Variants in DOCK4 observed in about 807,000 individuals in gnomAD.
The protein encoded by DOCK4 is dedicator of cytokinesis protein 4.
A neutral mutation model predicts 268.1 loss-of-function variants in DOCK4; 97 were observed. The observed-to-expected ratio is 0.36, with a 90% CI of 0.31 to 0.43. The LOEUF (loss-of-function observed/expected upper bound fraction) is 0.43. Among genes scored for constraint, DOCK4 ranks in the 20% least tolerant of loss-of-function variants. The pLI, the probability that DOCK4 is intolerant of heterozygous loss-of-function variation, is 1.00. For synonymous variants in DOCK4, 954 were observed against 887.2 expected (o/e 1.08, Z -1.34); for missense variants, 2,145 against 2,455.7 (o/e 0.87, Z 2.67).
chr7:111,729,408 G>A (rs1196441695), intron 52 of DOCK4, among the ~76,000 whole-genome samples: 1 of 151,764 alleles, frequency 6.6e-6, no homozygotes, highest in African/African-American at 2.4e-5. Context: ...AAATCCAAAG[G>A]GTTAGCTGGG....
At chr7:111,899,468 A>G (rs1281472578) in intron 15 of DOCK4, among the ~76,000 whole-genome samples, 5 of 152,176 alleles carry the variant, frequency 3.3e-5, no homozygotes, top group Non-Finnish European at 7.3e-5. Context: ...ATATCAGAAG[A>G]TTCCTGGACT....
chr7:112,186,670 G>A (rs1819516352), intron 1 of DOCK4, among the ~76,000 whole-genome samples: 4 of 152,134 alleles, frequency 2.6e-5, no homozygotes, highest in Admixed American at 2.6e-4. Context: ...CATTAGTACT[G>A]AGGCAGAAAT....
rs773813224 is a variant in DOCK4 at position 111,868,122 on chromosome 7, T to C, written c.2142A>G (p.Gln714=). The C allele has an allele frequency of 5.0e-6, 8 of 1,604,322 alleles. No homozygotes were observed. The highest frequency in any genetic ancestry group is 2.2e-5 in the East Asian group (1 of 44,826). Residue 714 remains glutamine, a synonymous_variant, in exon 22 of 53, where the codon CAA becomes CAG. Transcript: ENST00000428084. The stretch of plus-strand genomic sequence containing the variant: ...TGGCAAGGGAAAACAGCCTTCGAGA[T>C]TGAACTATATACTTAAAAATGTATT... ...AQEYIFKYIV[Q]SRRLFSLATG...
intron 39 of DOCK4, 139 bp from the exon 40 acceptor site, chr7:111,760,461 T>C: frequency 1.1e-6 from 1 of 888,926 alleles, no homozygotes; most frequent in Non-Finnish European, 1.7e-6. Context: ...TGGAACAATC[T>C]GAAAAGTTTG....
chr7:112,003,914 G>A (rs1007483478), intron 2 of DOCK4, 134 bp downstream of exon 2: 3 of 554,126 alleles, frequency 5.4e-6, no homozygotes, highest in Non-Finnish European at 9.2e-6. Context: ...CACTGAAAAT[G>A]CAGGAAACAA....
chr7:112,191,655 T>C (rs1335401276), intron 1 of DOCK4, among the ~76,000 whole-genome samples: 2 of 152,162 alleles, frequency 1.3e-5, no homozygotes, highest in African/African-American at 4.8e-5. Flanking sequence ...ATTCTGGCCC[T>C]AAGTCGTATG....
chr7:111,985,663 A>G (rs1465335364), intron 6 of DOCK4, among the ~76,000 whole-genome samples: 3 of 152,202 alleles, frequency 2.0e-5, no homozygotes, highest in Non-Finnish European at 4.4e-5. Context: ...AGATAGTAAA[A>G]CAGTTTCTCA....
chr7:111,855,374 C>A (rs1352568117), intron 23 of DOCK4, among the ~76,000 whole-genome samples: 1 of 151,938 alleles, frequency 6.6e-6, no homozygotes, highest in East Asian at 1.9e-4. Flanking sequence ...TTCTTGGCCA[C>A]AGACAGAGAC....
At chr7:112,063,251 T>C (rs575181645) in intron 1 of DOCK4, among the ~76,000 whole-genome samples, 52 of 152,338 alleles carry the variant, frequency 3.4e-4, no homozygotes, top group African/African-American at 8.9e-4. Context: ...AAAAATGCCA[T>C]GTCGGTACTT....
intron 26 of DOCK4, among the ~76,000 whole-genome samples, chr7:111,826,514 AATGTGGTACATTTACACCATGGAATACT>A (rs2133987946): frequency 6.6e-6 from 1 of 152,326 alleles, no homozygotes; most frequent in Admixed American, 6.5e-5. Context: ...AGGCTTAAAA[AATGTGGTACATTTACACCATGGAATACT>A]ATGCAGCCAC....
chr7:112,016,563 G>A (rs554890569), intron 1 of DOCK4, among the ~76,000 whole-genome samples: 37 of 152,140 alleles, frequency 2.4e-4, no homozygotes, highest in Non-Finnish European at 4.9e-4. Context: ...AACATCCATT[G>A]ATAATTTTTG....
At chr7:112,039,698 A>T (rs1804185829) in intron 1 of DOCK4, among the ~76,000 whole-genome samples, 1 of 152,166 alleles carries the variant, frequency 6.6e-6, no homozygotes, top group Non-Finnish European at 1.5e-5. Context: ...TACTGCCAAC[A>T]TTTAAGAATT....
chr7:112,149,802 T>G (rs180835283), intron 1 of DOCK4, among the ~76,000 whole-genome samples: 1 of 152,306 alleles, frequency 6.6e-6, no homozygotes, highest in East Asian at 1.9e-4. Context: ...GATATGCTTG[T>G]CCTATCAACA....
rs1468302040 is a variant in DOCK4, at chr7:111,844,856, G to A, written c.2643C>T (p.Ser881=). ...TGGTCCTCAGCAGAATATCCAGCAA[G>A]CTGGCCACTATCACATCTATTTCCT... ...VLEEIDVIVA[S]LLDILLRTIL... The change falls in exon 25 of 53, where the codon AGC becomes AGT. Residue 881 remains serine, a synonymous_variant. Coordinates refer to ENST00000428084, the MANE Select transcript of DOCK4 (RefSeq NM_001363540.2). 2 of 1,613,458 alleles carry A rather than the reference G, an allele frequency of 1.2e-6. No homozygotes were observed. The highest frequency in any genetic ancestry group is 1.7e-6 in the Non-Finnish European group (2 of 1,179,622).
At position 111,733,097 on chromosome 7, in the gene DOCK4, A is replaced by T. The variant is rs1199060171; in HGVS notation, c.5420-810T>A. Among the ~76,000 whole-genome samples, 5 of 152,204 alleles carry T rather than the reference A, an allele frequency of 3.3e-5. No individual in the cohort carries two copies. The East Asian group carries it at 9.6e-4, about 29-fold the overall frequency. ...GGGTGAGAGTCAGCCACATTTCTCA[A>T]TTCCACAGAGACGTTTCGGTGAACT... On this transcript the variant is annotated intron_variant, in intron 51 of 52. Coordinates refer to ENST00000428084, the MANE Select transcript of DOCK4 (RefSeq NM_001363540.2).
chr7:111,796,854 T>C (rs913639678), intron 30 of DOCK4, among the ~76,000 whole-genome samples: 14 of 152,256 alleles, frequency 9.2e-5, no homozygotes, highest in Admixed American at 6.5e-4. Flanking sequence ...TAAGCGTGGT[T>C]AGTCCCACCA....
chr7:111,987,657 T>C (rs1799154885), intron 6 of DOCK4, among the ~76,000 whole-genome samples: 1 of 152,150 alleles, frequency 6.6e-6, no homozygotes, highest in Non-Finnish European at 1.5e-5. Context: ...GCTGTGTGTT[T>C]TAAATGTCAT....
intron 1 of DOCK4, among the ~76,000 whole-genome samples, chr7:112,101,771 C>CT (rs1554444242): frequency 2.0e-5 from 3 of 151,772 alleles, no homozygotes; most frequent in African/African-American, 4.8e-5. Context: ...TTCTTATAGT[C>CT]TTTTTTTGCT....
intron 5 of DOCK4, among the ~76,000 whole-genome samples, chr7:111,993,738 A>T (rs1364479839): frequency 6.6e-6 from 1 of 152,164 alleles, no homozygotes; most frequent in African/African-American, 2.4e-5. Flanking sequence ...TCTCATTGAT[A>T]CTAGCTAAGA....
Sources: gnomAD v4.1 joint callset for allele counts (sites outside exome capture counted in the v4.1 genomes callset) on GRCh38, gnomAD v4.1.1 for gene constraint, MANE v1.5 for transcripts, NCBI Gene and HGNC (gene_info 2026-07-23, HGNC 2026-07-21) for gene names.